The following GRID2 variants were observed in gnomAD, a reference collection of about 807,000 sequenced individuals.
GRID2 encodes glutamate ionotropic receptor delta type subunit 2, also known as glutamate receptor ionotropic, delta-2.
Under a neutral mutation model 114.8 loss-of-function variants are expected in GRID2, and 33 were observed. The ratio of observed to expected loss-of-function variants is 0.29; its 90% confidence interval spans 0.22 to 0.38. The LOEUF is 0.38. Ranked by LOEUF, GRID2 falls within the 10% of genes least tolerant of loss-of-function variation. GRID2 has a pLI of 1.00. For missense variants in GRID2, 1,184 were observed against 1,257.7 expected (o/e 0.94, Z 0.89); for synonymous variants, 505 against 449.9 (o/e 1.12, Z -1.55).
chr4:93,252,788 T>G (rs1257033542), intron 8 of GRID2, among the ~76,000 whole-genome samples: 2 of 152,140 alleles, frequency 1.3e-5, no homozygotes, highest in Non-Finnish European at 2.9e-5. Context: ...TTCACTTCCC[T>G]TGTTAGCTGT....
chr4:93,446,790 T>C (rs2149399157), intron 10 of GRID2, among the ~76,000 whole-genome samples: 1 of 152,102 alleles, frequency 6.6e-6, no homozygotes, highest in South Asian at 2.1e-4. Context: ...AAGTTACTTA[T>C]GAATCATGGA....
chr4:93,417,426 T>C (rs1442494012), intron 9 of GRID2, among the ~76,000 whole-genome samples: 2 of 152,064 alleles, frequency 1.3e-5, no homozygotes, highest in Non-Finnish European at 2.9e-5. Flanking sequence ...GATATCGCAA[T>C]ATAACATGTA....
chr4:92,829,499 T>C (rs990889642), intron 2 of GRID2, among the ~76,000 whole-genome samples: 3 of 152,070 alleles, frequency 2.0e-5, no homozygotes, highest in Non-Finnish European at 4.4e-5. Flanking sequence ...GGAGTGTAAA[T>C]TAGTTGAACC....
At chr4:92,921,748 T>G (rs1293260650) in intron 2 of GRID2, among the ~76,000 whole-genome samples, 1 of 152,196 alleles carries the variant, frequency 6.6e-6, no homozygotes, top group East Asian at 1.9e-4. Context: ...GAGGTGTCAG[T>G]CTGCCCCTAC....
chr4:92,398,266 A>G (rs1042369433), intron 1 of GRID2, among the ~76,000 whole-genome samples: 1 of 152,204 alleles, frequency 6.6e-6, no homozygotes, highest in Non-Finnish European at 1.5e-5. Flanking sequence ...AGCATGTATC[A>G]AATCAATCAT....
intron 3 of GRID2, among the ~76,000 whole-genome samples, chr4:93,100,202 A>G (rs1179198561): frequency 6.6e-6 from 1 of 151,980 alleles, no homozygotes; most frequent in African/African-American, 2.4e-5. Context: ...ATTGATCAGC[A>G]TCAATGTAAA....
Position 93,012,602 on chromosome 4 carries a change from T to C in GRID2, c.245-72393T>C, listed in dbSNP as rs192581899. Among the ~76,000 whole-genome samples, 7 of 151,990 alleles carry C rather than the reference T, an allele frequency of 4.6e-5. No individual in the cohort carries two copies. In the East Asian group the frequency reaches 9.7e-4, roughly 21 times the overall value. On this transcript the variant is annotated intron_variant, in intron 2 of 15. Coordinates refer to ENST00000282020, the MANE Select transcript of GRID2 (RefSeq NM_001510.4). ...GTTGTCCCTTGTGAACATTAATTAGTAAGGCAAAATGGCTTGAGTTTTTGG... is the reference window on the plus strand; with the variant it reads ...GTTGTCCCTTGTGAACATTAATTAGCAAGGCAAAATGGCTTGAGTTTTTGG...
intron 1 of GRID2, among the ~76,000 whole-genome samples, chr4:92,544,689 C>G (rs1442678332): frequency 6.6e-6 from 1 of 152,092 alleles, no homozygotes; most frequent in Admixed American, 6.6e-5. Flanking sequence ...ACCAAGGTCA[C>G]ATAACTCACT....
At chr4:92,366,126 T>C (rs1254679121) in intron 1 of GRID2, among the ~76,000 whole-genome samples, 1 of 152,050 alleles carries the variant, frequency 6.6e-6, no homozygotes, top group Admixed American at 6.6e-5. Context: ...GCTTATCATA[T>C]CAATAAAATA....
chr4:93,203,204 C>G (rs930538216), intron 4 of GRID2, among the ~76,000 whole-genome samples: 1 of 152,118 alleles, frequency 6.6e-6, no homozygotes, highest in Non-Finnish European at 1.5e-5. Context: ...TGCCAGCCCA[C>G]TGGTTATGCA....
intron 2 of GRID2, among the ~76,000 whole-genome samples, chr4:93,042,253 CTCTCTCTCTCTCTCTCTCTCTT>C (rs1185414423): frequency 3.2e-5 from 3 of 93,956 alleles, no homozygotes; most frequent in Admixed American, 1.5e-4. Flanking sequence ...TTAAATCTCT[CTCTCTCTCTCTCTCTCTCTCTT>C]TCTCTCTCTC....
At chr4:92,495,103 A>G (rs575390126) in intron 1 of GRID2, among the ~76,000 whole-genome samples, 2 of 151,970 alleles carry the variant, frequency 1.3e-5, no homozygotes, top group African/African-American at 4.8e-5. Context: ...TGTGGAATCT[A>G]TTATAATGTG....
chr4:92,915,815 A>C (rs1748745916), intron 2 of GRID2, among the ~76,000 whole-genome samples: 1 of 152,136 alleles, frequency 6.6e-6, no homozygotes, highest in Admixed American at 6.6e-5. Flanking sequence ...TCTAATGATC[A>C]GTGATGTTCA....
intron 2 of GRID2, among the ~76,000 whole-genome samples, chr4:92,829,903 A>T (rs1022392349): frequency 6.6e-6 from 1 of 152,004 alleles, no homozygotes; most frequent in Non-Finnish European, 1.5e-5. Flanking sequence ...GGACACAAGG[A>T]GGGGAACATC....
chr4:93,436,976 G>A (rs551402561), intron 10 of GRID2, among the ~76,000 whole-genome samples: 1 of 152,164 alleles, frequency 6.6e-6, no homozygotes, highest in Admixed American at 6.5e-5. Context: ...ATGTAAATGT[G>A]TTATATATGC....
At chr4:92,494,006 C>T (rs1271863179) in intron 1 of GRID2, among the ~76,000 whole-genome samples, 1 of 152,146 alleles carries the variant, frequency 6.6e-6, no homozygotes, top group Non-Finnish European at 1.5e-5. Flanking sequence ...CCTTGCACTT[C>T]AGCTATTTAA....
intron 2 of GRID2, among the ~76,000 whole-genome samples, chr4:92,669,309 G>A (rs1422030317): frequency 6.6e-6 from 1 of 151,804 alleles, no homozygotes; most frequent in East Asian, 1.9e-4. Context: ...GACAGGGTAG[G>A]TATGTAACTA....
At chr4:93,062,255 A>G (rs1727871019) in intron 2 of GRID2, among the ~76,000 whole-genome samples, 1 of 152,132 alleles carries the variant, frequency 6.6e-6, no homozygotes, top group African/African-American at 2.4e-5. Flanking sequence ...ATAATTTGAT[A>G]ATATATTTTT....
Position 93,233,313 on chromosome 4 carries a change from GATT to G in GRID2, c.1126-5036_1126-5034del, listed in dbSNP as rs199852003. 4.8e-3 allele frequency among the ~76,000 whole-genome samples: 720 copies of G among 149,488 alleles called. 8 individuals are homozygous for G. Among genetic ancestry groups the G allele is most frequent in the African/African-American group, 0.017 (690 of 40,848 alleles). On this transcript the variant is annotated intron_variant, in intron 7 of 15. Transcript: ENST00000282020. ...TTCAAGGAATAACGTGACACTGAAG[GATT>G]ATTATTATTATTATTATTATTTTTT...
Sources: allele counts gnomAD v4.1 joint callset (sites outside exome capture counted in the v4.1 genomes callset), GRCh38; gene constraint gnomAD v4.1.1; transcripts MANE v1.5; gene names NCBI Gene and HGNC (gene_info 2026-07-23, HGNC 2026-07-21).